The following HOOK1 variants were observed in gnomAD, a reference collection of about 807,000 sequenced individuals.
HOOK1 encodes the protein protein Hook homolog 1.
Under a neutral mutation model 112.8 loss-of-function variants are expected in HOOK1, and 60 were observed. That is an observed-to-expected ratio of 0.53 (90% CI 0.43 to 0.66). The LOEUF (loss-of-function observed/expected upper bound fraction) is 0.66. Among genes scored for constraint, HOOK1 ranks in the 30% least tolerant of loss-of-function variants. The pLI, the probability that HOOK1 is intolerant of heterozygous loss-of-function variation, is 0.00. For missense variants in HOOK1, 770 were observed against 856.0 expected, an observed-to-expected ratio of 0.90 and a Z score of 1.25; for synonymous variants, 294 against 283.8, an observed-to-expected ratio of 1.04 and a Z score of -0.36.
At chr1:59,839,598 A>G (rs1003310583) in intron 7 of HOOK1, among the ~76,000 whole-genome samples, 2 of 152,118 alleles carry the variant, frequency 1.3e-5, no homozygotes, top group African/African-American at 2.4e-5. Context: ...GGCTGGTACA[A>G]TGGGGTTTTC....
chr1:59,824,767 T>A (rs1046116244), intron 2 of HOOK1, among the ~76,000 whole-genome samples: 1 of 152,216 alleles, frequency 6.6e-6, no homozygotes, highest in Non-Finnish European at 1.5e-5. Flanking sequence ...TCTTAATTAT[T>A]ATCTTCAATT....
chr1:59,871,489 A>G (rs1351295893), intron 21 of HOOK1, among the ~76,000 whole-genome samples: 3 of 152,188 alleles, frequency 2.0e-5, no homozygotes, highest in African/African-American at 7.2e-5. Flanking sequence ...AAATGCTTCT[A>G]GTTACTCAGT....
intron 1 of HOOK1, 30 bp downstream of exon 1, chr1:59,815,210 G>C (rs556830992): frequency 6.5e-7 from 1 of 1,537,470 alleles, no homozygotes; most frequent in East Asian, 2.5e-5. Context: ...AGGGCGAGGG[G>C]GCCAGGGGGC....
At chr1:59,871,196 TTTATC>T in intron 21 of HOOK1, 86 bp downstream of exon 21, 1 of 853,038 alleles carries the variant, frequency 1.2e-6, no homozygotes, top group Non-Finnish European at 1.9e-6. Flanking sequence ...GAAAATATAT[TTTATC>T]TTATACCATA....
At chr1:59,849,473 A>G (rs2098405974) in intron 12 of HOOK1, among the ~76,000 whole-genome samples, 1 of 151,580 alleles carries the variant, frequency 6.6e-6, no homozygotes, top group East Asian at 1.9e-4. Context: ...TAATTTTGCG[A>G]TGGCTTTATT....
chr1:59,862,892 A>T lies in HOOK1; in HGVS notation c.1626+15A>T, dbSNP rs990630193. On this transcript the variant is annotated intron_variant, in intron 16 of 21. Transcript: ENST00000371208. ...AAGGCGAAAGTGTAAGTAACTTAGA[A>T]ATTATAATAATTCTGCTGTGTATGG... 1 of 1,410,916 alleles carries T rather than the reference A, an allele frequency of 7.1e-7. No individual in the cohort carries two copies. The highest frequency in any genetic ancestry group is 1.0e-6 in the Non-Finnish European group (1 of 995,484). 87.4% of individuals were successfully genotyped at this position (1,410,916 alleles called of 1,614,324 possible). A position where few individuals can be genotyped will look rare whatever the true frequency, so the allele number is the denominator to read the frequency against.
intron 9 of HOOK1, among the ~76,000 whole-genome samples, chr1:59,845,590 A>G (rs570714245): frequency 1.9e-4 from 29 of 151,464 alleles, no homozygotes; most frequent in African/African-American, 5.8e-4. Flanking sequence ...TTTTTTTTCA[A>G]TCATGATTAG....
chr1:59,823,120 A>G (rs2102006202), intron 2 of HOOK1, among the ~76,000 whole-genome samples: 1 of 152,322 alleles, frequency 6.6e-6, no homozygotes, highest in East Asian at 1.9e-4. Context: ...GCAGATCGAG[A>G]CCATCCTGGC....
At chr1:59,849,294 T>C (rs1281840008) in intron 12 of HOOK1, 111 bp downstream of exon 12, 2 of 560,712 alleles carry the variant, frequency 3.6e-6, no homozygotes, top group South Asian at 3.8e-5. Context: ...TTCCTCCAGA[T>C]TGAATTTTTT....
Position 59,873,605 on chromosome 1 carries a change from A to G in HOOK1, c.*640A>G, listed in dbSNP as rs1329561715. ...GAAATTTTGCATATTCTGAAAATCT[A>G]ATCTCATAGTTCTAATTTGTACCTA... On this transcript the variant is annotated 3_prime_UTR_variant, in exon 22 of 22. Transcript: ENST00000371208. The G allele has an allele frequency of 6.6e-6, 1 of 151,394 alleles. No individual in the cohort carries two copies. The highest frequency in any genetic ancestry group is 1.5e-5 in the Non-Finnish European group (1 of 67,846). The allele number at this position is 151,394 out of a possible 1,614,324, so 9.4% of individuals were successfully genotyped here.
chr1:59,823,251 C>T (rs910851735), intron 2 of HOOK1, among the ~76,000 whole-genome samples: 4 of 152,124 alleles, frequency 2.6e-5, no homozygotes, highest in Admixed American at 6.5e-5. Context: ...ACCTGGGAGG[C>T]GGAGCTCACA....
chr1:59,839,722 C>T (rs1465211466), intron 7 of HOOK1, among the ~76,000 whole-genome samples: 1 of 152,134 alleles, frequency 6.6e-6, no homozygotes, highest in Non-Finnish European at 1.5e-5. Context: ...ACTTCCAATA[C>T]TATGTTGAAT....
intron 2 of HOOK1, among the ~76,000 whole-genome samples, chr1:59,827,026 A>G (rs1474282510): frequency 3.3e-5 from 5 of 152,098 alleles, no homozygotes; most frequent in Admixed American, 2.6e-4. Flanking sequence ...CGGCCCCCCA[A>G]AGCGCTGGGA....
intron 13 of HOOK1, 98 bp downstream of exon 13, chr1:59,858,613 C>G (rs559122779): frequency 6.4e-6 from 5 of 787,284 alleles, no homozygotes; most frequent in African/African-American, 3.4e-5. Flanking sequence ...GTGGCGCATG[C>G]CTATAGTCCT....
rs768598304 is a variant in HOOK1 at position 59,868,340 on chromosome 1, G to C, written c.1936G>C (p.Glu646Gln). The part of the protein sequence containing the change: ...KQLAEKERRI[E>Q]ILESECKVAK... The stretch of plus-strand genomic sequence containing the variant: ...GTTGGCAGAGAAAGAGAGAAGAATT[G>C]AGATTCTGGAGGTAAAACTTTTATA... Residue 646 changes from glutamate (E) to glutamine (Q), a missense_variant, in exon 20 of 22, where the codon GAG becomes CAG. Glu to Gln is a conservative substitution (Grantham distance 29, BLOSUM62 2). Transcript: ENST00000371208. 8 of 1,583,332 alleles carry C rather than the reference G, an allele frequency of 5.1e-6. No homozygotes were observed. Among genetic ancestry groups the C allele is most frequent in the Middle Eastern group, 1.8e-4 (1 of 5,624 alleles).
chr1:59,819,230 A>G (rs1416853045), intron 1 of HOOK1, among the ~76,000 whole-genome samples: 1 of 137,092 alleles, frequency 7.3e-6, no homozygotes, highest in African/African-American at 2.8e-5. Context: ...GCTCACTGCA[A>G]CCTCCACCTC....
intron 5 of HOOK1, among the ~76,000 whole-genome samples, chr1:59,833,971 C>T (rs1276942918): frequency 6.6e-6 from 1 of 152,082 alleles, no homozygotes; most frequent in African/African-American, 2.4e-5. Flanking sequence ...CATATCTGTC[C>T]AATATATCCT....
At chr1:59,832,123 A>G (rs2098394451) in intron 3 of HOOK1, 40 bp from the exon 4 acceptor site, 27 of 1,169,130 alleles carry the variant, frequency 2.3e-5, no homozygotes, top group Non-Finnish European at 2.7e-5. Context: ...TTCTTTCATT[A>G]TTAATCTGAA....
At chr1:59,846,811 C>G (rs1469963615) in intron 9 of HOOK1, among the ~76,000 whole-genome samples, 1 of 151,108 alleles carries the variant, frequency 6.6e-6, no homozygotes, top group African/African-American at 2.4e-5. Flanking sequence ...AGATTTAAAG[C>G]TTTTCTAGAC....
Sources: allele counts gnomAD v4.1 joint callset (sites outside exome capture counted in the v4.1 genomes callset), GRCh38; gene constraint gnomAD v4.1.1; transcripts MANE v1.5; gene names NCBI Gene and HGNC (gene_info 2026-07-23, HGNC 2026-07-21).